KHDRBS1: variants seen among roughly 807,000 people sequenced by gnomAD.
The protein encoded by KHDRBS1 is KH domain-containing, RNA-binding, signal transduction-associated protein 1.
In KHDRBS1, 7 loss-of-function variants were observed where a neutral mutation model predicts 48.4. The ratio of observed to expected loss-of-function variants is 0.14; its 90% CI spans 0.08 to 0.27. KHDRBS1 has a LOEUF of 0.27. Among genes scored for constraint, KHDRBS1 ranks in the 10% least tolerant of loss-of-function variants. The pLI is 1.00. For missense variants in KHDRBS1, 458 were observed against 601.2 expected (o/e 0.76, Z 2.49); for synonymous variants, 241 against 235.8 (o/e 1.02, Z -0.20).
rs146838702 is a variant in KHDRBS1, at chr1:32,029,727, G to A, written c.383-571G>A. Among the ~76,000 whole-genome samples the A allele has an allele frequency of 9.3e-4, 141 of 152,262 alleles. 1 individual carries two copies. Among genetic ancestry groups the A allele is most frequent in the Non-Finnish European group, 1.6e-3 (109 of 68,024 alleles). ...ATTGGCTGAATTTGGGCTAGATAAC[G>A]GTAACGATATATTAAGTACTTTATG... On this transcript the variant is annotated intron_variant, in intron 1 of 8. Coordinates refer to ENST00000327300, the MANE Select transcript of KHDRBS1 (RefSeq NM_006559.3).
At chr1:32,031,193 G>A (rs1029981737) in intron 2 of KHDRBS1, among the ~76,000 whole-genome samples, 1 of 152,198 alleles carries the variant, frequency 6.6e-6, no homozygotes, top group Non-Finnish European at 1.5e-5. Context: ...GCTGTGATGA[G>A]CCATGATTGT....
intron 6 of KHDRBS1, 69 bp from the exon 7 acceptor site, chr1:32,038,483 A>G: frequency 7.0e-7 from 1 of 1,425,346 alleles, no homozygotes. Flanking sequence ...CTCCCATGGG[A>G]TGTAATTACC....
In KHDRBS1 at chr1:32,030,331, A is replaced by T. The variant is rs773390838; in HGVS notation, c.416A>T (p.Lys139Met). ...IEKIQKGDSK[K>M]DDEENYLDLF... ...AAGATTCAGAAAGGAGACTCAAAAAAGGATGATGAGGAGAATTACTTGGAT... is the reference window on the plus strand; with the variant it reads ...AAGATTCAGAAAGGAGACTCAAAAATGGATGATGAGGAGAATTACTTGGAT... The change falls in exon 2 of 9, where the codon AAG becomes ATG. Residue 139 changes from lysine to methionine, a missense_variant. Lys to Met is a moderately conservative substitution (Grantham distance 95). This residue lies in a region of KHDRBS1 where 213 missense variants were observed against 215.6 expected (regional missense o/e 0.99). Coordinates refer to ENST00000327300, the MANE Select transcript of KHDRBS1 (RefSeq NM_006559.3). 6.2e-7 allele frequency: 1 copy of T among 1,610,380 alleles called. No individual in the cohort carries two copies. Among genetic ancestry groups the T allele is most frequent in the South Asian group, 1.1e-5 (1 of 90,402 alleles).
intron 4 of KHDRBS1, among the ~76,000 whole-genome samples, chr1:32,036,420 C>T (rs1001106014): frequency 2.0e-5 from 3 of 152,074 alleles, no homozygotes; most frequent in Admixed American, 6.6e-5. Flanking sequence ...CTGCCCGCCT[C>T]GGCCTCCCAA....
At chr1:32,033,028 C>CTTTTTTCTT (rs1553223141) in intron 3 of KHDRBS1, among the ~76,000 whole-genome samples, 160 bp from the exon 4 acceptor site, 1 of 152,062 alleles carries the variant, frequency 6.6e-6, no homozygotes, top group African/African-American at 2.4e-5. Context: ...TTTCTTTTTT[C>CTTTTTTCTT]TTTTTTCTTT....
chr1:32,058,535 AG>A (rs1183300605), intron 10 of KHDRBS1, among the ~76,000 whole-genome samples: 9 of 152,072 alleles, frequency 5.9e-5, no homozygotes, highest in South Asian at 2.1e-4. Flanking sequence ...GAATGGGAGG[AG>A]GGGGGGTGTG....
intron 1 of KHDRBS1, among the ~76,000 whole-genome samples, chr1:32,017,828 A>G (rs1638774364): frequency 6.6e-6 from 1 of 151,642 alleles, no homozygotes; most frequent in African/African-American, 2.4e-5. Flanking sequence ...GCTGGTCTCA[A>G]ACTCCCGACC....
In KHDRBS1 at chr1:32,014,184, G is replaced by T. The variant is rs1253227042; in HGVS notation, c.189G>T (p.Pro63=). ...GGARASPATQ[P]PPLLPPSATG... is the part of the protein sequence containing the mutation. ...CCCGGGCCTCGCCCGCCACGCAGCC[G>T]CCACCGCTGCTGCCGCCCTCGGCCA... Residue 63 remains proline, a synonymous_variant, in exon 1 of 9, where the codon CCG becomes CCT. Coordinates refer to ENST00000327300, the MANE Select transcript of KHDRBS1 (RefSeq NM_006559.3). 3 of 1,332,288 alleles carry T rather than the reference G, an allele frequency of 2.3e-6. No individual in the cohort carries two copies. The highest frequency in any genetic ancestry group is 2.9e-6 in the Non-Finnish European group (3 of 1,037,720). The allele number at this position is 1,332,288 out of a possible 1,614,324, so 82.5% of individuals were successfully genotyped here.
At chr1:32,042,391 A>G in intron 8 of KHDRBS1, 136 bp from the exon 9 acceptor site, 1 of 624,442 alleles carries the variant, frequency 1.6e-6, no homozygotes, top group Non-Finnish European at 2.9e-6. Flanking sequence ...AGTAGAGAGC[A>G]AGGAACACCA....
At chr1:32,050,217 C>G (rs1639401045) in intron 10 of KHDRBS1, among the ~76,000 whole-genome samples, 1 of 152,164 alleles carries the variant, frequency 6.6e-6, no homozygotes, top group Admixed American at 6.5e-5. Context: ...TATCTAAATA[C>G]TTTGCCCACT....
Position 32,033,292 on chromosome 1 carries a change from T to C in KHDRBS1, c.729T>C (p.Leu243=), listed in dbSNP as rs372642208. The change falls in exon 4 of 9, where the codon CTT becomes CTC. Residue 243 remains leucine (L), a synonymous_variant. Transcript: ENST00000327300. Reference sequence around the variant, plus strand: ...GACCCCCATGTGAGGCTTATGCTCTTATGGCCCATGCCATGGAGGAAGTCA... The same window carrying C: ...GACCCCCATGTGAGGCTTATGCTCTCATGGCCCATGCCATGGAGGAAGTCA... ...VFGPPCEAYA[L]MAHAMEEVKK... is the part of the protein sequence containing the mutation. 1.9e-6 allele frequency: 3 copies of C among 1,614,106 alleles called. No individual in the cohort carries two copies. Among genetic ancestry groups the C allele is most frequent in the Non-Finnish European group, 2.5e-6 (3 of 1,180,038 alleles).
chr1:32,027,769 A>G (rs186199202), intron 1 of KHDRBS1, among the ~76,000 whole-genome samples: 3 of 152,152 alleles, frequency 2.0e-5, no homozygotes, highest in Non-Finnish European at 4.4e-5. Flanking sequence ...AGTCAAAGTT[A>G]TTTTTCTTCG....
chr1:32,026,816 A>G (rs983241613), intron 1 of KHDRBS1, among the ~76,000 whole-genome samples: 8 of 152,122 alleles, frequency 5.3e-5, no homozygotes, highest in African/African-American at 1.9e-4. Flanking sequence ...TGTTGTTGTG[A>G]TGGAGTCTTG....
chr1:32,014,177 C>T lies in KHDRBS1; in HGVS notation c.182C>T (p.Thr61Met). The T allele has an allele frequency of 2.3e-6, 3 of 1,315,790 alleles. No homozygotes were observed. The highest frequency in any genetic ancestry group is 2.9e-6 in the Non-Finnish European group (3 of 1,030,884). The allele number at this position is 1,315,790 out of a possible 1,614,324, so 81.5% of individuals were successfully genotyped here. The change falls in exon 1 of 9, where the codon ACG becomes ATG. Residue 61 changes from threonine (T) to methionine (M), a missense_variant. Thr to Met is a moderately conservative substitution (Grantham distance 81, BLOSUM62 -1). Around this residue, in one of 3 missense-constraint regions of KHDRBS1, gnomAD observed 213 missense variants for 215.6 expected, o/e 0.99. Transcript: ENST00000327300. ...SRGGARASPATQPPPLLPPSA... is the reference protein window; with the variant it reads ...SRGGARASPAMQPPPLLPPSA... The stretch of plus-strand genomic sequence containing the variant: ...GGGGGCGCCCGGGCCTCGCCCGCCA[C>T]GCAGCCGCCACCGCTGCTGCCGCCC...
In KHDRBS1 at chr1:32,059,097, C is replaced by T. The variant is rs141865567; in HGVS notation, n.1302-1066C>T. ...ACTGGAACCCAGAAGGCAGAGGCTGCAGTACTGGAGCTAAGATTATGCCCC... is the reference window on the plus strand; with the variant it reads ...ACTGGAACCCAGAAGGCAGAGGCTGTAGTACTGGAGCTAAGATTATGCCCC... On this transcript the variant is annotated intron_variant and non_coding_transcript_variant, in intron 10 of 10. Coordinates refer to the KHDRBS1 transcript ENST00000484270. 2.0e-3 allele frequency among the ~76,000 whole-genome samples: 274 copies of T among 139,392 alleles called. 1 individual carries two copies. Among genetic ancestry groups the T allele is most frequent in the African/African-American group, 6.9e-3 (255 of 36,828 alleles). 91.4% of individuals were successfully genotyped at this position (139,392 alleles called of 152,430 possible).
chr1:32,057,430 A>G (rs1639491610), intron 10 of KHDRBS1, among the ~76,000 whole-genome samples: 1 of 151,652 alleles, frequency 6.6e-6, no homozygotes. Flanking sequence ...TAACCTCCCA[A>G]AGTGTTGGGA....
At chr1:32,033,705 G>T (rs1203730500) in intron 4 of KHDRBS1, among the ~76,000 whole-genome samples, 1 of 152,152 alleles carries the variant, frequency 6.6e-6, no homozygotes, top group Non-Finnish European at 1.5e-5. Context: ...TGACTAAGGT[G>T]GGTCTCTGCA....
chr1:32,021,959 C>CTT (rs1298804437), intron 1 of KHDRBS1, among the ~76,000 whole-genome samples: 82 of 131,756 alleles, frequency 6.2e-4, no homozygotes, highest in Admixed American at 3.2e-3. Context: ...CGGCACATTT[C>CTT]TTTTTTTTTT....
At chr1:32,033,093 A>AT in intron 3 of KHDRBS1, 95 bp from the exon 4 acceptor site, 2 of 878,340 alleles carry the variant, frequency 2.3e-6, no homozygotes, top group East Asian at 2.4e-5. Flanking sequence ...TTTCATGGAC[A>AT]TTAGGGGTAT....
Sources: gnomAD v4.1 joint callset for allele counts (sites outside exome capture counted in the v4.1 genomes callset) on GRCh38, gnomAD v4.1.1 for gene constraint, gnomAD v4.1.1 regional missense constraint, MANE v1.5 for transcripts, NCBI Gene and HGNC (gene_info 2026-07-23, HGNC 2026-07-21) for gene names.